EIPR1: variants seen among roughly 807,000 people sequenced by gnomAD.
EIPR1 encodes the protein EARP and GARP complex-interacting protein 1.
In EIPR1, 25 loss-of-function variants were observed where a neutral mutation model predicts 48.1. The ratio of observed to expected loss-of-function variants is 0.52; its 90% CI spans 0.38 to 0.73. The LOEUF (loss-of-function observed/expected upper bound fraction) is 0.73. EIPR1 is among the 30% of genes least tolerant of loss of function. The pLI is 0.00. For synonymous variants in EIPR1, 204 were observed against 201.9 expected, an observed-to-expected ratio of 1.01 and a Z score of -0.09; for missense variants, 415 against 506.2, an observed-to-expected ratio of 0.82 and a Z score of 1.73.
intron 3 of EIPR1, among the ~76,000 whole-genome samples, chr2:3,261,083 C>A (rs1667320579): frequency 2.0e-5 from 3 of 152,044 alleles, no homozygotes; most frequent in Admixed American, 6.6e-5. Flanking sequence ...GCAGTTAAAC[C>A]CAGCCCCAAG....
At chr2:3,365,943 C>T (rs567790816) in intron 1 of EIPR1, among the ~76,000 whole-genome samples, 31 of 151,066 alleles carry the variant, frequency 2.1e-4, no homozygotes, top group African/African-American at 5.6e-4. Context: ...CCCGGCCAGC[C>T]GCCCAGTCCG....
chr2:3,305,797 C>G (rs1668924773), intron 3 of EIPR1, among the ~76,000 whole-genome samples: 1 of 152,242 alleles, frequency 6.6e-6, no homozygotes, highest in Non-Finnish European at 1.5e-5. Context: ...TATATCCAGA[C>G]AGTCTTCTAA....
At chr2:3,272,381 T>C (rs1667725480) in intron 3 of EIPR1, among the ~76,000 whole-genome samples, 1 of 152,252 alleles carries the variant, frequency 6.6e-6, no homozygotes, top group South Asian at 2.1e-4. Flanking sequence ...AGCTTTTGGC[T>C]GAAACTTGCC....
At chr2:3,273,560 A>C (rs761885000) in intron 3 of EIPR1, among the ~76,000 whole-genome samples, 1 of 151,996 alleles carries the variant, frequency 6.6e-6, no homozygotes, top group African/African-American at 2.4e-5. Flanking sequence ...TATCTCAGCT[A>C]TGGCTCTTAT....
intron 4 of EIPR1, among the ~76,000 whole-genome samples, chr2:3,247,052 A>AGAGCGAGGGAGG (rs1479516225): frequency 4.9e-4 from 1 of 2,034 alleles, no homozygotes; most frequent in Non-Finnish European, 9.6e-4. Context: ...AGGGAGGGAG[A>AGAGCGAGGGAGG]GAGGGAGGGA....
chr2:3,297,548 A>C (rs186994484), intron 3 of EIPR1, among the ~76,000 whole-genome samples: 12 of 152,354 alleles, frequency 7.9e-5, no homozygotes, highest in African/African-American at 2.6e-4. Context: ...TGCCCAGGGG[A>C]AACAGCCAGG....
In EIPR1 at chr2:3,196,866, G is replaced by A. The variant is rs1024109404; in HGVS notation, c.653+15C>T. The A allele has an allele frequency of 2.0e-5, 33 of 1,612,280 alleles. No homozygotes were observed. The highest frequency in any genetic ancestry group is 2.6e-5 in the Non-Finnish European group (31 of 1,179,474). On this transcript the variant is annotated intron_variant, in intron 6 of 8. Coordinates refer to ENST00000382125, the MANE Select transcript of EIPR1 (RefSeq NM_003310.5). ...AGGAAAGGAAGTGGGGCCTGCGCCG[G>A]GTGGGCTCACTGACCTCATGCTCCG...
chr2:3,341,150 A>AATCAGTTG (rs1670235956), intron 2 of EIPR1, among the ~76,000 whole-genome samples: 1 of 151,778 alleles, frequency 6.6e-6, no homozygotes, highest in African/African-American at 2.4e-5. Context: ...AGAATGGGTA[A>AATCAGTTG]ATCAGTTGTG....
At chr2:3,196,078 C>T (rs1057431989) in intron 6 of EIPR1, among the ~76,000 whole-genome samples, 5 of 152,190 alleles carry the variant, frequency 3.3e-5, no homozygotes, top group Admixed American at 6.5e-5. Flanking sequence ...CTGTGGTTTC[C>T]AGCTTCTGAT....
At chr2:3,354,997 C>T (rs938211353) in intron 1 of EIPR1, among the ~76,000 whole-genome samples, 1 of 152,280 alleles carries the variant, frequency 6.6e-6, no homozygotes, top group African/African-American at 2.4e-5. Context: ...TAGCTTCCAG[C>T]AATAGCAGAG....
At chr2:3,309,640 T>C (rs1249115065) in intron 3 of EIPR1, among the ~76,000 whole-genome samples, 1 of 151,546 alleles carries the variant, frequency 6.6e-6, no homozygotes, top group Non-Finnish European at 1.5e-5. Flanking sequence ...ACCCAGAGCA[T>C]CCCGGGAAAG....
At chr2:3,354,311 G>A (rs1201362476) in intron 2 of EIPR1, among the ~76,000 whole-genome samples, 1 of 152,160 alleles carries the variant, frequency 6.6e-6, no homozygotes, top group African/African-American at 2.4e-5. Flanking sequence ...AACCACAAGA[G>A]CCAAACAAGA....
chr2:3,364,239 T>G (rs371160611), intron 1 of EIPR1, among the ~76,000 whole-genome samples: 2 of 152,276 alleles, frequency 1.3e-5, no homozygotes, highest in East Asian at 1.9e-4. Flanking sequence ...TTGTTCACAA[T>G]AGCCAAGACA....
chr2:3,204,306 G>A (rs917079645), intron 5 of EIPR1, among the ~76,000 whole-genome samples: 9 of 152,172 alleles, frequency 5.9e-5, no homozygotes, highest in African/African-American at 2.2e-4. Context: ...TGTACTCCCA[G>A]GCCCTGAAAA....
chr2:3,295,275 C>T (rs922637144), intron 3 of EIPR1, among the ~76,000 whole-genome samples: 4 of 140,584 alleles, frequency 2.8e-5, no homozygotes, highest in African/African-American at 1.1e-4. Context: ...TCCACACACA[C>T]CCTCCATCCA....
chr2:3,376,116 G>GA (rs1227700519), intron 1 of EIPR1, among the ~76,000 whole-genome samples: 1 of 150,756 alleles, frequency 6.6e-6, no homozygotes, highest in Non-Finnish European at 1.5e-5. Flanking sequence ...TTCTACAAAG[G>GA]AAAAAAAAGG....
rs1156547629 is a variant in EIPR1, at chr2:3,196,545, C to T, written c.653+336G>A. Among the ~76,000 whole-genome samples the T allele has an allele frequency of 6.6e-5, 10 of 152,150 alleles. No individual in the cohort carries two copies. In the East Asian group the frequency reaches 7.7e-4, roughly 12 times the overall value. ...GGGGACTGCAGCTGTCAGCCTGCAGCGGCTCATCAGACACGGGCACCCTGT... is the reference window on the plus strand; with the variant it reads ...GGGGACTGCAGCTGTCAGCCTGCAGTGGCTCATCAGACACGGGCACCCTGT... On this transcript the variant is annotated intron_variant, in intron 6 of 8. Coordinates refer to ENST00000382125, the MANE Select transcript of EIPR1 (RefSeq NM_003310.5).
At chr2:3,276,929 T>C (rs1313387894) in intron 3 of EIPR1, among the ~76,000 whole-genome samples, 1 of 152,226 alleles carries the variant, frequency 6.6e-6, no homozygotes, top group Non-Finnish European at 1.5e-5. Context: ...ATTTACACTT[T>C]ATGTTTTGAG....
At chr2:3,372,909 C>T (rs189353720) in intron 1 of EIPR1, among the ~76,000 whole-genome samples, 8 of 151,932 alleles carry the variant, frequency 5.3e-5, no homozygotes, top group South Asian at 2.1e-4. Flanking sequence ...ATACCAAAGC[C>T]GGGCAGAGAC....
Sources: gnomAD v4.1 joint callset for allele counts (sites outside exome capture counted in the v4.1 genomes callset) on GRCh38, gnomAD v4.1.1 for gene constraint, MANE v1.5 for transcripts, NCBI Gene and HGNC (gene_info 2026-07-23, HGNC 2026-07-21) for gene names.